CTTN: variants seen among roughly 807,000 people sequenced by gnomAD.
The protein encoded by CTTN is cortactin, also known as src substrate cortactin.
A neutral mutation model predicts 84.0 loss-of-function variants in CTTN; 28 were observed. That is an observed-to-expected ratio of 0.33 (90% CI 0.25 to 0.46). The LOEUF is 0.46. CTTN is among the 20% of genes least tolerant of loss of function. CTTN has a pLI of 1.00. For missense variants in CTTN, 641 were observed against 723.8 expected (o/e 0.89, Z 1.31); for synonymous variants, 301 against 288.8 (o/e 1.04, Z -0.43).
intron 10 of CTTN, 108 bp downstream of exon 10, chr11:70,420,618 T>G: frequency 1.2e-6 from 1 of 800,306 alleles, no homozygotes; most frequent in Non-Finnish European, 2.1e-6. Context: ...CACATTGTTT[T>G]GTCTTCACTG....
chr11:70,429,212 G>C lies in CTTN; in HGVS notation c.1176+13G>C. 1 of 1,608,448 alleles carries C rather than the reference G, an allele frequency of 6.2e-7. No individual in the cohort carries two copies. Among genetic ancestry groups the C allele is most frequent in the East Asian group, 2.2e-5 (1 of 44,734 alleles). ...GAGGAAGCTGGAGGTGAGTGGCAAG[G>C]AGTGGGCCGCAGCGCACCCTCCCTG... On this transcript the variant is annotated intron_variant, in intron 14 of 17. Transcript: ENST00000301843.
At chr11:70,434,979 A>G in intron 17 of CTTN, 47 bp from the exon 18 acceptor site, 1 of 1,604,424 alleles carries the variant, frequency 6.2e-7, no homozygotes, top group Non-Finnish European at 8.5e-7. Context: ...CTGGCAGACC[A>G]GGAAACGCTT....
chr11:70,409,869 A>G lies in CTTN; in HGVS notation c.200A>G (p.Gln67Arg). Residue 67 changes from glutamine (Q) to arginine (R), a missense_variant, in exon 5 of 18, where the codon CAG (glutamine) becomes CGG (arginine). Around this residue, in one of 3 missense-constraint regions of CTTN, gnomAD observed 284 missense variants for 348.4 expected, o/e 0.82. Transcript: ENST00000301843. ...AGGGAGAATGTCTTTCAAGAGCATC[A>G]GACCCTTAAGGAGAAGGAACTTGAA... is the stretch of plus-strand genomic sequence containing the variant. The part of the protein sequence containing the change: ...KLRENVFQEH[Q>R]TLKEKELETG... The G allele has an allele frequency of 8.7e-6, 14 of 1,614,040 alleles. No individual in the cohort carries two copies. The South Asian group carries it at 1.1e-4, about 13-fold the overall frequency.
intron 5 of CTTN, 29 bp downstream of exon 5, chr11:70,409,989 G>T: frequency 6.2e-7 from 1 of 1,613,304 alleles, no homozygotes; most frequent in South Asian, 1.1e-5. Context: ...CCTATGCCAG[G>T]CTCCTGGTGT....
chr11:70,411,809 C>T (rs2058099467), intron 5 of CTTN, among the ~76,000 whole-genome samples: 1 of 152,206 alleles, frequency 6.6e-6, no homozygotes, highest in East Asian at 1.9e-4. Flanking sequence ...CCACAGCAGC[C>T]TCTGCTTCCC....
chr11:70,419,893 T>C (rs1364654759), intron 9 of CTTN, 37 bp downstream of exon 9: 1 of 1,520,722 alleles, frequency 6.6e-7, no homozygotes, highest in Non-Finnish European at 9.1e-7. Context: ...AGCCAGCAGC[T>C]AGTAATGTGA....
At chr11:70,406,464 G>T (rs1405139690) in intron 2 of CTTN, among the ~76,000 whole-genome samples, 1 of 150,184 alleles carries the variant, frequency 6.7e-6, no homozygotes, top group Non-Finnish European at 1.5e-5. Flanking sequence ...TGTGGCCTAT[G>T]TGTAATTGTA....
chr11:70,404,911 A>G (rs576507600), intron 1 of CTTN, among the ~76,000 whole-genome samples: 1 of 152,342 alleles, frequency 6.6e-6, no homozygotes, highest in African/African-American at 2.4e-5. Context: ...CTGAGGCAGG[A>G]GAATCACTTG....
In CTTN at chr11:70,421,458, G is replaced by T; in HGVS notation, c.791-12G>T. On this transcript the variant is annotated splice_polypyrimidine_tract_variant and intron_variant, in intron 10 of 17. Coordinates refer to ENST00000301843, the MANE Select transcript of CTTN (RefSeq NM_005231.4). The stretch of plus-strand genomic sequence containing the variant: ...TTGGTTGTTTTCCCCACCGTTGCTT[G>T]TGGATTTTCAGATTATAAGACTGGT... 6.3e-7 allele frequency: 1 copy of T among 1,589,792 alleles called. No individual in the cohort carries two copies. Among genetic ancestry groups the T allele is most frequent in the Non-Finnish European group, 8.6e-7 (1 of 1,157,708 alleles).
At chr11:70,419,920 C>T (rs1442572147) in intron 9 of CTTN, 64 bp downstream of exon 9, 19 of 1,278,008 alleles carry the variant, frequency 1.5e-5, no homozygotes, top group Non-Finnish European at 1.9e-5. Flanking sequence ...GTAGCCACAC[C>T]GGAAAAGGAA....
rs2058212236 is a variant in CTTN, at chr11:70,420,021, T to C, written c.679+165T>C. On this transcript the variant is annotated intron_variant, in intron 9 of 17. Coordinates refer to ENST00000301843, the MANE Select transcript of CTTN (RefSeq NM_005231.4). ...ACGGCACATCCAGAAACACAGCTGC[T>C]AAATAGGAACTCGCAGCTTGAGTGT... The C allele has an allele frequency of 2.2e-5, 14 of 635,538 alleles. No homozygotes were observed. In the South Asian group the frequency reaches 2.6e-4, roughly 12 times the overall value. The allele number at this position is 635,538 out of a possible 1,614,324, so 39.4% of individuals were successfully genotyped here.
intron 5 of CTTN, among the ~76,000 whole-genome samples, chr11:70,411,637 A>G (rs2058097651): frequency 6.6e-6 from 1 of 152,236 alleles, no homozygotes; most frequent in African/African-American, 2.4e-5. Flanking sequence ...GCAACGTGTC[A>G]GGAGAGCCTG....
chr11:70,408,871 A>G (rs2058071755), intron 4 of CTTN, among the ~76,000 whole-genome samples: 1 of 152,078 alleles, frequency 6.6e-6, no homozygotes. Context: ...TATGGCGTTA[A>G]GCAGACTCCT....
At chr11:70,421,088 G>A (rs1374020747) in intron 10 of CTTN, among the ~76,000 whole-genome samples, 1 of 152,230 alleles carries the variant, frequency 6.6e-6, no homozygotes, top group East Asian at 1.9e-4. Flanking sequence ...CAGGAGCGGG[G>A]CTAATGGGGC....
Position 70,433,347 on chromosome 11 carries a change from T to C in CTTN, c.1444+69T>C, listed in dbSNP as rs562100704. On this transcript the variant is annotated intron_variant, in intron 16 of 17. Transcript: ENST00000301843. ...CTCCCGGGACATCCTGCTCGACCTG[T>C]GGCGTCGTTGCGAGGAGCGTGGGTT... 6 of 1,464,910 alleles carry C rather than the reference T, an allele frequency of 4.1e-6. No homozygotes were observed. The East Asian group carries it at 1.4e-4, about 34-fold the overall frequency. The allele number at this position is 1,464,910 out of a possible 1,614,324, so 90.7% of individuals were successfully genotyped here.
At chr11:70,411,695 T>A (rs1478245429) in intron 5 of CTTN, among the ~76,000 whole-genome samples, 1 of 152,082 alleles carries the variant, frequency 6.6e-6, no homozygotes, top group African/African-American at 2.4e-5. Flanking sequence ...CCTGCACCTT[T>A]TTTCAGCGCG....
At chr11:70,432,049 C>A (rs1748909721) in intron 15 of CTTN, among the ~76,000 whole-genome samples, 1 of 152,178 alleles carries the variant, frequency 6.6e-6, no homozygotes, top group African/African-American at 2.4e-5. Context: ...CATGGTAGTT[C>A]AGGAGCCCAG....
intron 12 of CTTN, among the ~76,000 whole-genome samples, chr11:70,424,650 G>GT (rs1225596292): frequency 6.6e-6 from 1 of 152,032 alleles, no homozygotes; most frequent in Non-Finnish European, 1.5e-5. Context: ...GGGACATGGA[G>GT]TAGACGCTGG....
intron 2 of CTTN, among the ~76,000 whole-genome samples, chr11:70,407,012 C>T (rs1410910962): frequency 4.6e-5 from 7 of 151,974 alleles, no homozygotes; most frequent in South Asian, 2.1e-4. Context: ...AGTGCACACA[C>T]GACTTTTTTA....
Sources: allele counts gnomAD v4.1 joint callset (sites outside exome capture counted in the v4.1 genomes callset), GRCh38; gene constraint gnomAD v4.1.1; regional missense constraint gnomAD v4.1.1; transcripts MANE v1.5; gene names NCBI Gene and HGNC (gene_info 2026-07-23, HGNC 2026-07-21).